Variants in TENM3 observed in about 807,000 individuals in gnomAD.
TENM3 encodes the protein teneurin transmembrane protein 3.
TENM3 carries 63 observed loss-of-function variants against 255.1 expected under a neutral mutation model. That is an observed-to-expected ratio of 0.25 (90% CI 0.20 to 0.30). The LOEUF is 0.30. TENM3 is among the 10% of genes least tolerant of loss of function. The pLI is 1.00. For synonymous variants in TENM3, 1,306 were observed against 1,322.3 expected, an observed-to-expected ratio of 0.99 and a Z score of 0.27; for missense variants, 2,929 against 3,461.1, an observed-to-expected ratio of 0.85 and a Z score of 3.86.
At chr4:181,885,420 A>G in the TENM3 span, among the ~76,000 whole-genome samples, 3 of 152,156 alleles carry the variant, frequency 2.0e-5, no homozygotes, top group East Asian at 5.8e-4. Context: ...GCACCACCAC[A>G]CCCGGCTAAT....
intron 3 of TENM3, among the ~76,000 whole-genome samples, chr4:182,367,058 G>A (rs192420250): frequency 8.5e-5 from 13 of 152,182 alleles, no homozygotes; most frequent in Admixed American, 8.5e-4. Context: ...AAAACAACTA[G>A]ATGAAATACA....
intron 3 of TENM3, among the ~76,000 whole-genome samples, chr4:182,561,269 A>C (rs1743144672): frequency 1.3e-5 from 2 of 151,778 alleles, no homozygotes; most frequent in Non-Finnish European, 1.5e-5. Flanking sequence ...TAAAATTATA[A>C]ATATATAAAT....
chr4:182,783,151 T>C (rs374102606), intron 24 of TENM3, among the ~76,000 whole-genome samples: 1,992 of 152,208 alleles, frequency 0.013, 23 homozygotes, highest in Non-Finnish European at 0.021. Flanking sequence ...TTCCTAGTCT[T>C]GATGGTCTTT....
chr4:182,775,241 C>T lies in TENM3; in HGVS notation c.5304+88C>T, dbSNP rs921460551. ...GGGCAGGTTGCGTCTCCTGCTCACC[C>T]CCCTATGTCTACACTGAGTATGAGC... On this transcript the variant is annotated intron_variant, in intron 24 of 27. Coordinates refer to ENST00000511685, the MANE Select transcript of TENM3 (RefSeq NM_001080477.4). 2.6e-6 allele frequency: 3 copies of T among 1,146,534 alleles called. No individual in the cohort carries two copies. In the African/African-American group the frequency reaches 4.6e-5, roughly 17 times the overall value. 71.0% of individuals were successfully genotyped at this position (1,146,534 alleles called of 1,614,324 possible). A position where few individuals can be genotyped will look rare whatever the true frequency, so the allele number is the denominator to read the frequency against.
chr4:182,551,903 A>T (rs1473935120), intron 3 of TENM3, among the ~76,000 whole-genome samples: 1 of 151,808 alleles, frequency 6.6e-6, no homozygotes, highest in African/African-American at 2.4e-5. Flanking sequence ...TGTAAGTCCT[A>T]GCTACTCAGG....
the TENM3 span, among the ~76,000 whole-genome samples, chr4:181,695,452 A>G: frequency 6.6e-6 from 1 of 152,206 alleles, no homozygotes; most frequent in African/African-American, 2.4e-5. Context: ...ATTTAAATAT[A>G]CTATTTCTAA....
At chr4:181,959,294 A>ATGAG in the TENM3 span, among the ~76,000 whole-genome samples, 5 of 152,100 alleles carry the variant, frequency 3.3e-5, no homozygotes, top group Non-Finnish European at 5.9e-5. Context: ...ACAGGAATCT[A>ATGAG]TGAGTATCTG....
chr4:181,680,212 A>C, the TENM3 span, among the ~76,000 whole-genome samples: 1 of 152,102 alleles, frequency 6.6e-6, no homozygotes, highest in Non-Finnish European at 1.5e-5. Flanking sequence ...TACAGTCTAT[A>C]AACTAATGCT....
the TENM3 span, among the ~76,000 whole-genome samples, chr4:182,042,137 G>T: frequency 1.3e-5 from 2 of 152,202 alleles, no homozygotes; most frequent in East Asian, 3.9e-4. Context: ...GAAGTGATTT[G>T]TTGGGGAGTT....
intron 1 of TENM3, among the ~76,000 whole-genome samples, chr4:182,269,597 A>T (rs1380786983): frequency 6.6e-6 from 1 of 151,856 alleles, no homozygotes; most frequent in Non-Finnish European, 1.5e-5. Flanking sequence ...TCCCTGCTTG[A>T]CTTCCTCTCC....
In TENM3 at chr4:182,799,784, C is replaced by A. The variant is rs1766777299; in HGVS notation, c.7533C>A (p.Thr2511=). 1 of 1,598,148 alleles carries A rather than the reference C, an allele frequency of 6.3e-7. No homozygotes were observed. The highest frequency in any genetic ancestry group is 1.3e-5 in the African/African-American group (1 of 74,590). Residue 2511 remains threonine (T), a synonymous_variant, in exon 28 of 28, where the codon ACC becomes ACA. Transcript: ENST00000511685. This position sits in a 1 kb window ranked among gnomAD's most constrained non-coding sequence, Gnocchi z 4.2. ...CCGTCAGCCAGGGCCGCGTGCAGAC[C>A]AACGTGCTCAACATCGCCAACGAGG... ...MLAVSQGRVQ[T]NVLNIANEDC...
chr4:181,679,513 C>G, the TENM3 span, among the ~76,000 whole-genome samples: 4 of 151,990 alleles, frequency 2.6e-5, no homozygotes, highest in East Asian at 7.7e-4. Flanking sequence ...TATAAACAAG[C>G]AAAATATATG....
At chr4:182,709,546 A>AT (rs572120342) in intron 12 of TENM3, among the ~76,000 whole-genome samples, 8 of 152,074 alleles carry the variant, frequency 5.3e-5, no homozygotes, top group South Asian at 4.1e-4. Context: ...AAATGTCTGC[A>AT]TTTTTTTATT....
the TENM3 span, among the ~76,000 whole-genome samples, chr4:181,872,294 G>A: frequency 6.6e-6 from 1 of 151,126 alleles, no homozygotes; most frequent in Admixed American, 6.6e-5. Context: ...TCTGCTTTTT[G>A]TGTTAATATT....
the TENM3 span, among the ~76,000 whole-genome samples, chr4:181,471,561 T>C: frequency 6.6e-6 from 1 of 152,196 alleles, no homozygotes; most frequent in South Asian, 2.1e-4. Flanking sequence ...TTGAACTTGG[T>C]TTATAAAAAC....
the TENM3 span, among the ~76,000 whole-genome samples, chr4:181,806,285 ATCCCCAC>A: frequency 1.3e-5 from 2 of 152,302 alleles, no homozygotes; most frequent in South Asian, 4.1e-4. Context: ...TACATCTGTC[ATCCCCAC>A]GCCTGTGTCT....
At chr4:181,886,641 A>T in the TENM3 span, among the ~76,000 whole-genome samples, 1 of 152,182 alleles carries the variant, frequency 6.6e-6, no homozygotes, top group Non-Finnish European at 1.5e-5. Flanking sequence ...CTTAATATTC[A>T]GCTGTACATT....
the TENM3 span, among the ~76,000 whole-genome samples, chr4:182,068,095 A>T: frequency 6.6e-6 from 1 of 152,168 alleles, no homozygotes; most frequent in Admixed American, 6.5e-5. Flanking sequence ...AGACTCAGAG[A>T]GTTCCGATAG....
At chr4:181,542,541 T>G in the TENM3 span, among the ~76,000 whole-genome samples, 2 of 152,130 alleles carry the variant, frequency 1.3e-5, no homozygotes, top group Non-Finnish European at 2.9e-5. Context: ...GTAGCTTAGA[T>G]TAGGCAAATA....
Sources: gnomAD v4.1 joint callset for allele counts (sites outside exome capture counted in the v4.1 genomes callset) on GRCh38, gnomAD v4.1.1 for gene constraint, Gnocchi (gnomAD v3.1) non-coding constraint, MANE v1.5 for transcripts, NCBI Gene and HGNC (gene_info 2026-07-23, HGNC 2026-07-21) for gene names.